HDAC4: variants seen among roughly 807,000 people sequenced by gnomAD.
HDAC4 encodes histone deacetylase A.
A neutral mutation model predicts 135.1 loss-of-function variants in HDAC4; 16 were observed. The observed-to-expected ratio is 0.12, with a 90% CI of 0.08 to 0.18. The LOEUF (loss-of-function observed/expected upper bound fraction) is 0.18. Among genes scored for constraint, HDAC4 ranks in the 10% least tolerant of loss-of-function variants. The probability of loss-of-function intolerance (pLI) is 1.00; values close to 1 mark genes in which losing one functional copy is unlikely to be tolerated. For synonymous variants in HDAC4, 685 were observed against 653.4 expected, an observed-to-expected ratio of 1.05 and a Z score of -0.74; for missense variants, 1,143 against 1,511.8, an observed-to-expected ratio of 0.76 and a Z score of 4.05.
intron 4 of HDAC4, among the ~76,000 whole-genome samples, chr2:239,184,991 G>T (rs1407201392): frequency 6.8e-6 from 1 of 147,604 alleles, no homozygotes; most frequent in South Asian, 2.2e-4. Context: ...GTCTATCATG[G>T]AGGGCTATCC....
At chr2:239,397,050 T>C (rs1696608452) in intron 1 of HDAC4, among the ~76,000 whole-genome samples, 1 of 152,240 alleles carries the variant, frequency 6.6e-6, no homozygotes, top group Admixed American at 6.5e-5. Context: ...GAAACGCGCC[T>C]GTAACAGCGC....
At chr2:239,264,991 C>G (rs1482651803) in intron 2 of HDAC4, among the ~76,000 whole-genome samples, 1 of 152,218 alleles carries the variant, frequency 6.6e-6, no homozygotes, top group African/African-American at 2.4e-5. Flanking sequence ...TGCCCCTCCC[C>G]CTGCAGAGCA....
intron 12 of HDAC4, among the ~76,000 whole-genome samples, chr2:239,121,092 G>A (rs2152831478): frequency 6.6e-6 from 1 of 151,594 alleles, no homozygotes; most frequent in Middle Eastern, 3.4e-3. Flanking sequence ...AGCCTCCTGA[G>A]TAGCTGGGGA....
At chr2:239,292,895 C>T (rs757944005) in intron 2 of HDAC4, among the ~76,000 whole-genome samples, 2 of 152,144 alleles carry the variant, frequency 1.3e-5, no homozygotes, top group Non-Finnish European at 2.9e-5. Context: ...AAGAGCAAAA[C>T]CTTGCTCAGG....
intron 13 of HDAC4, among the ~76,000 whole-genome samples, chr2:239,113,886 C>T (rs369216257): frequency 2.0e-5 from 3 of 151,904 alleles, no homozygotes; most frequent in Non-Finnish European, 4.4e-5. Flanking sequence ...GTTTAGTGCC[C>T]GGGGTGCTAA....
rs571743475 is a variant in HDAC4 at position 239,051,470 on chromosome 2, T to C, written c.*1627A>G. The C allele has an allele frequency of 2.7e-4, 41 of 152,558 alleles. 1 individual carries two copies. Among genetic ancestry groups the C allele is most frequent in the African/African-American group, 9.9e-4 (41 of 41,558 alleles). The allele number at this position is 152,558 out of a possible 1,614,324, so 9.5% of individuals were successfully genotyped here. Reference sequence around the variant, plus strand: ...TCAGAAAGGAAAAAGATTTAGACATTATTACCATTCAGAAAATTGCTAAAT... The same window carrying C: ...TCAGAAAGGAAAAAGATTTAGACATCATTACCATTCAGAAAATTGCTAAAT... On this transcript the variant is annotated 3_prime_UTR_variant, in exon 27 of 27. Transcript: ENST00000543185.
intron 3 of HDAC4, among the ~76,000 whole-genome samples, chr2:239,211,686 C>T (rs1361897746): frequency 2.0e-5 from 3 of 152,178 alleles, no homozygotes; most frequent in Non-Finnish European, 2.9e-5. Flanking sequence ...TGCAGACACA[C>T]CTTTAAATCC....
chr2:239,144,014 GC>G (rs1161787882), intron 8 of HDAC4, among the ~76,000 whole-genome samples: 2 of 151,954 alleles, frequency 1.3e-5, no homozygotes, highest in Non-Finnish European at 2.9e-5. Context: ...GGGCGGGTGA[GC>G]CTTCAGGATG....
At chr2:239,224,666 T>C (rs1429507142) in intron 3 of HDAC4, among the ~76,000 whole-genome samples, 1 of 152,192 alleles carries the variant, frequency 6.6e-6, no homozygotes, top group Admixed American at 6.5e-5. Flanking sequence ...ATGAGTACCA[T>C]GAAATAGGGG....
intron 22 of HDAC4, among the ~76,000 whole-genome samples, chr2:239,073,062 T>C (rs144310756): frequency 1.8e-3 from 270 of 152,300 alleles, no homozygotes; most frequent in African/African-American, 6.2e-3. Context: ...CGTGGGACTG[T>C]GTGGCTTCAG....
chr2:239,390,655 C>T (rs1409345515), intron 1 of HDAC4, among the ~76,000 whole-genome samples: 2 of 152,154 alleles, frequency 1.3e-5, no homozygotes, highest in East Asian at 1.9e-4. Flanking sequence ...GGGCACCATG[C>T]GGCCGCAGCC....
Position 239,156,727 on chromosome 2 carries a change from C to T in HDAC4, c.658G>A (p.Gly220Arg), listed in dbSNP as rs143274079. ...SLDQSSPPQS[G>R]VSTSYNHPVL... The stretch of plus-strand genomic sequence containing the variant: ...GGGTGGTTATAGGAGGTCGACACTC[C>T]GCTCTGGGGTGGAGAACTCTGGTCA... The change falls in exon 7 of 27, where the codon GGA becomes AGA. Residue 220 changes from glycine (G) to arginine (R), a missense_variant. Transcript: ENST00000543185. The T allele has an allele frequency of 6.2e-4, 1,005 of 1,614,126 alleles. 3 individuals carry two copies. Among genetic ancestry groups the T allele is most frequent in the East Asian group, 4.7e-4 (21 of 44,866 alleles).
chr2:239,237,651 G>C (rs1036971297), intron 2 of HDAC4, among the ~76,000 whole-genome samples: 1 of 151,954 alleles, frequency 6.6e-6, no homozygotes, highest in African/African-American at 2.4e-5. Flanking sequence ...CATGTCCTTG[G>C]AGATGTTCAA....
chr2:239,232,954 C>T (rs2047679393), intron 3 of HDAC4, among the ~76,000 whole-genome samples: 1 of 151,110 alleles, frequency 6.6e-6, no homozygotes, highest in African/African-American at 2.4e-5. Flanking sequence ...CTTCCCTCAC[C>T]AAGCCAAGGG....
chr2:239,118,005 G>GTA (rs1559461826), intron 12 of HDAC4, among the ~76,000 whole-genome samples: 1 of 152,152 alleles, frequency 6.6e-6, no homozygotes, highest in Admixed American at 6.5e-5. Context: ...CCTGAACTAC[G>GTA]GGGCACGGGT....
rs780601020 is a variant in HDAC4 at position 239,126,576 on chromosome 2, C to G, written c.1413G>C (p.Gln471His). Residue 471 changes from glutamine (Q) to histidine (H), a missense_variant, in exon 12 of 27, where the codon CAG (glutamine) becomes CAC (histidine). Physicochemically the swap from Gln to His is conservative, Grantham distance 24. Around this residue, in one of 9 missense-constraint regions of HDAC4, gnomAD observed 272 missense variants for 309.7 expected, o/e 0.88. Transcript: ENST00000543185. ...GGGCGTTCTGGGGCAGCGGGGCCGA[C>G]TGGGTCCGCCCCAGTGGGCGGTGCT... ...LRQHRPLGRT[Q>H]SAPLPQNAQA... The G allele has an allele frequency of 1.2e-6, 2 of 1,613,792 alleles. 1 individual carries two copies.
At chr2:239,399,155 G>A (rs1236678164) in intron 1 of HDAC4, among the ~76,000 whole-genome samples, 2 of 152,016 alleles carry the variant, frequency 1.3e-5, no homozygotes, top group Non-Finnish European at 2.9e-5. Flanking sequence ...ATAGGTAATT[G>A]AACACAGATT....
chr2:239,184,603 T>A (rs1467631380), intron 4 of HDAC4, among the ~76,000 whole-genome samples: 2 of 134,432 alleles, frequency 1.5e-5, no homozygotes, highest in African/African-American at 2.8e-5. Flanking sequence ...TCCCTCAGTG[T>A]CTGTCCTGGA....
At chr2:239,152,806 C>A (rs532123623) in intron 7 of HDAC4, among the ~76,000 whole-genome samples, 17 of 152,216 alleles carry the variant, frequency 1.1e-4, no homozygotes, top group Admixed American at 8.5e-4. Flanking sequence ...CTGGCAGTTA[C>A]CAGTCATTGG....
Sources: allele counts gnomAD v4.1 joint callset (sites outside exome capture counted in the v4.1 genomes callset), GRCh38; gene constraint gnomAD v4.1.1; regional missense constraint gnomAD v4.1.1; transcripts MANE v1.5; gene names NCBI Gene and HGNC (gene_info 2026-07-23, HGNC 2026-07-21).